Variants in LRRC37A observed in about 807,000 individuals in gnomAD.
LRRC37A encodes the protein leucine-rich repeat-containing protein 37A.
LRRC37A carries 3 observed loss-of-function variants against 35.4 expected under a neutral mutation model. That is an observed-to-expected ratio of 0.08 (90% CI 0.04 to 0.22). The LOEUF is 0.22. LRRC37A is among the 10% of genes least tolerant of loss of function. The pLI is 1.00. For missense variants in LRRC37A, 67 were observed against 565.3 expected (o/e 0.12, Z 8.94); for synonymous variants, 23 against 215.0 (o/e 0.11, Z 7.81).
At chr17:46,265,016 G>A in the LRRC37A span, among the ~76,000 whole-genome samples, 6 of 152,252 alleles carry the variant, frequency 3.9e-5, no homozygotes, top group African/African-American at 1.4e-4. Context: ...GGCCCCGAGG[G>A]CATGAACTTA....
chr17:46,312,123 G>C (rs1474132606), intron 5 of LRRC37A, among the ~76,000 whole-genome samples: 3 of 32,524 alleles, frequency 9.2e-5, no homozygotes, highest in African/African-American at 1.7e-4. Context: ...CATATCATTT[G>C]GTTTGTGGAA....
At chr17:46,275,373 T>A in the LRRC37A span, 2 of 1,005,894 alleles carry the variant, frequency 2.0e-6, no homozygotes, top group Non-Finnish European at 2.9e-6. Flanking sequence ...TAGGTTAACA[T>A]GCTGAACTTT....
At chr17:46,334,871 TACAA>T (rs2052223594) in intron 10 of LRRC37A, 1 of 137,130 alleles carries the variant, frequency 7.3e-6, no homozygotes, top group Non-Finnish European at 1.6e-5. Context: ...CCAATAAAAA[TACAA>T]ACAGAAAGTA....
At chr17:46,265,114 A>T in the LRRC37A span, among the ~76,000 whole-genome samples, 1 of 152,186 alleles carries the variant, frequency 6.6e-6, no homozygotes, top group Non-Finnish European at 1.5e-5. Flanking sequence ...GTGGCTGTAG[A>T]GGTTTGCTCT....
chr17:46,255,114 GT>G, the LRRC37A span, among the ~76,000 whole-genome samples: 233 of 152,166 alleles, frequency 1.5e-3, 2 homozygotes, highest in African/African-American at 2.6e-3. Context: ...GGGATTATAG[GT>G]GTGAGCCATC....
the LRRC37A span, among the ~76,000 whole-genome samples, chr17:46,270,767 C>A: frequency 6.6e-6 from 1 of 152,144 alleles, no homozygotes; most frequent in South Asian, 2.1e-4. Context: ...ATTAGCTGGG[C>A]ATGGTGGTGC....
chr17:46,250,405 T>A, the LRRC37A span, among the ~76,000 whole-genome samples: 1 of 152,180 alleles, frequency 6.6e-6, no homozygotes, highest in Non-Finnish European at 1.5e-5. Context: ...GTGAGGGTGT[T>A]CCCAAAGGAG....
chr17:46,272,327 A>G, the LRRC37A span, among the ~76,000 whole-genome samples: 1 of 152,264 alleles, frequency 6.6e-6, no homozygotes. Context: ...TGTGTTATAT[A>G]GATCTTAATA....
the LRRC37A span, chr17:46,266,914 C>A: frequency 7.6e-6 from 2 of 262,942 alleles, no homozygotes; most frequent in East Asian, 9.3e-5. Context: ...GGGCCCTACG[C>A]TTCCCCGCCG....
At chr17:46,259,224 T>A in the LRRC37A span, among the ~76,000 whole-genome samples, 1 of 116,150 alleles carries the variant, frequency 8.6e-6, no homozygotes, top group Non-Finnish European at 1.7e-5. Context: ...ATCAGGACAA[T>A]AAAGAAGATT....
chr17:46,291,615 T>G (rs2143464896), upstream of LRRC37A, among the ~76,000 whole-genome samples: 1 of 151,774 alleles, frequency 6.6e-6, no homozygotes, highest in African/African-American at 2.4e-5. Flanking sequence ...AATGAAAATG[T>G]GTAATATGAA....
the LRRC37A span, among the ~76,000 whole-genome samples, chr17:46,248,773 G>T: frequency 2.0e-5 from 3 of 151,974 alleles, no homozygotes; most frequent in Non-Finnish European, 4.4e-5. Flanking sequence ...GCCCGCCTTG[G>T]CTTCCCAAAG....
the LRRC37A span, among the ~76,000 whole-genome samples, chr17:46,253,953 G>T: frequency 6.6e-6 from 1 of 152,240 alleles, no homozygotes; most frequent in South Asian, 2.1e-4. Context: ...ACAGAGGTAG[G>T]GGAAGATTAG....
the LRRC37A span, among the ~76,000 whole-genome samples, chr17:46,255,966 C>T: frequency 4.6e-5 from 7 of 152,146 alleles, no homozygotes; most frequent in African/African-American, 1.4e-4. Flanking sequence ...TGAGCCACCA[C>T]ACCCGGCCTC....
At chr17:46,286,737 A>G in the LRRC37A span, among the ~76,000 whole-genome samples, 4 of 152,260 alleles carry the variant, frequency 2.6e-5, no homozygotes, top group Admixed American at 2.0e-4. Flanking sequence ...TAAATAAGTA[A>G]CCAGTCAGAG....
the LRRC37A span, among the ~76,000 whole-genome samples, chr17:46,260,861 G>A: frequency 3.3e-5 from 5 of 152,176 alleles, no homozygotes; most frequent in African/African-American, 1.2e-4. Flanking sequence ...GACCTCAGGT[G>A]ATCCACCCAC....
At chr17:46,280,569 CTTTTTTTTT>C in the LRRC37A span, among the ~76,000 whole-genome samples, 7 of 112,012 alleles carry the variant, frequency 6.2e-5, no homozygotes, top group Non-Finnish European at 1.0e-4. Context: ...TGATAGCACA[CTTTTTTTTT>C]TTTTTTTTTT....
the LRRC37A span, among the ~76,000 whole-genome samples, chr17:46,282,449 G>A: frequency 6.7e-6 from 1 of 148,330 alleles, no homozygotes; most frequent in Non-Finnish European, 1.5e-5. Flanking sequence ...AGTTCTTGCT[G>A]TGTCACCCAG....
At chr17:46,267,069 A>G in the LRRC37A span, 4 of 306,698 alleles carry the variant, frequency 1.3e-5, no homozygotes, top group Middle Eastern at 8.6e-4. Context: ...CCGCGCAGGG[A>G]CGCGGAGCCC....
Sources: gnomAD v4.1 joint callset for allele counts (sites outside exome capture counted in the v4.1 genomes callset) on GRCh38, gnomAD v4.1.1 for gene constraint, MANE v1.5 for transcripts, NCBI Gene and HGNC (gene_info 2026-07-23, HGNC 2026-07-21) for gene names.